Variants in FAM47E observed in about 807,000 individuals in gnomAD.
The protein encoded by FAM47E is family with sequence similarity 47 member E, also known as protein FAM47E.
In FAM47E, 32 loss-of-function variants were observed where a neutral mutation model predicts 41.6. The observed-to-expected ratio is 0.77, with a 90% CI of 0.58 to 1.03. The LOEUF (loss-of-function observed/expected upper bound fraction) is 1.03. Ranked by LOEUF, FAM47E falls within the 50% of genes least tolerant of loss-of-function variation. FAM47E has a pLI of 0.00. For synonymous variants in FAM47E, 184 were observed against 188.7 expected, an observed-to-expected ratio of 0.98 and a Z score of 0.20; for missense variants, 424 against 485.4, an observed-to-expected ratio of 0.87 and a Z score of 1.19.
chr4:76,239,057 T>C (rs1284920054), intron 2 of FAM47E, among the ~76,000 whole-genome samples: 1 of 152,228 alleles, frequency 6.6e-6, no homozygotes, highest in Non-Finnish European at 1.5e-5. Context: ...TGTTATACCA[T>C]ATATCAAAAT....
In FAM47E at chr4:76,251,815, G is replaced by A; in HGVS notation, c.69G>A (p.Arg23=). ...CGGTGCGCGAGGGCGTGAACTGCAG[G>A]TCCAGGTAAACACTCAGCGCCCGGG... ...LAPVREGVNC[R]SRCFTKHKNG... The change falls in exon 1 of 8, where the codon AGG becomes AGA. Residue 23 remains arginine (R), a synonymous_variant. Coordinates refer to ENST00000424749, the MANE Select transcript of FAM47E (RefSeq NM_001136570.3). 1.3e-6 allele frequency: 2 copies of A among 1,481,924 alleles called. No homozygotes were observed. The highest frequency in any genetic ancestry group is 1.8e-6 in the Non-Finnish European group (2 of 1,122,324). 91.8% of individuals were successfully genotyped at this position (1,481,924 alleles called of 1,614,324 possible).
At chr4:76,279,652 C>T (rs11946806) in intron 6 of FAM47E, 53,133 of 151,760 alleles carry the variant, frequency 0.35, 10,027 homozygotes, top group Admixed American at 0.41. Flanking sequence ...GTGGCACCAC[C>T]AGGCTGTGGC....
rs1020648924 is a variant in FAM47E, at chr4:76,263,907, T to G, written c.560+64T>G. 9.3e-6 allele frequency: 14 copies of G among 1,512,106 alleles called. No individual in the cohort carries two copies. The African/African-American group carries it at 2.0e-4, about 21-fold the overall frequency. 93.7% of individuals were successfully genotyped at this position (1,512,106 alleles called of 1,614,324 possible). A position where few individuals can be genotyped will look rare whatever the true frequency, so the allele number is the denominator to read the frequency against. ...CTGATGAAACATTCTAGGAATTACCTTCTTAAAACTTCTCATCTTTAGAAT... is the reference window on the plus strand; with the variant it reads ...CTGATGAAACATTCTAGGAATTACCGTCTTAAAACTTCTCATCTTTAGAAT... On this transcript the variant is annotated intron_variant, in intron 3 of 7. Coordinates refer to ENST00000424749, the MANE Select transcript of FAM47E (RefSeq NM_001136570.3).
Position 76,271,642 on chromosome 4 carries a change from T to C in FAM47E, c.744T>C (p.Asp248=), listed in dbSNP as rs1359829343. 24 of 1,552,142 alleles carry C rather than the reference T, an allele frequency of 1.5e-5. No individual in the cohort carries two copies. Among genetic ancestry groups the C allele is most frequent in the Non-Finnish European group, 1.7e-5 (19 of 1,147,132 alleles). The part of the protein sequence containing the change: ...DIDYETKPSH[D]ALHTMKLNQV... Reference sequence around the variant, plus strand: ...ACTATGAGACCAAACCAAGCCATGATGCGCTCCACACGATGAAGCTAAATC... The same window carrying C: ...ACTATGAGACCAAACCAAGCCATGACGCGCTCCACACGATGAAGCTAAATC... Residue 248 remains aspartate, a synonymous_variant, in exon 5 of 8, where the codon GAT becomes GAC. Coordinates refer to ENST00000424749, the MANE Select transcript of FAM47E (RefSeq NM_001136570.3).
intron 7 of FAM47E, chr4:76,281,678 T>G (rs1735351317): frequency 6.6e-6 from 1 of 152,148 alleles, no homozygotes; most frequent in Non-Finnish European, 1.5e-5. Context: ...TTTTTTTCAT[T>G]TTGATGTGTT....
At chr4:76,218,791 C>T (rs768085964) in intron 2 of FAM47E, among the ~76,000 whole-genome samples, 3 of 151,900 alleles carry the variant, frequency 2.0e-5, no homozygotes, top group Non-Finnish European at 2.9e-5. Context: ...GGTTGGAGGG[C>T]GAGGAGTCAG....
intron 2 of FAM47E, among the ~76,000 whole-genome samples, chr4:76,244,527 ATTC>A: frequency 7.8e-6 from 1 of 128,734 alleles, no homozygotes; most frequent in Admixed American, 7.9e-5. Context: ...GTTTGCAGGC[ATTC>A]TTCTTTTTTT....
At chr4:76,263,009 T>C (rs771139484) in intron 2 of FAM47E, among the ~76,000 whole-genome samples, 10 of 151,992 alleles carry the variant, frequency 6.6e-5, no homozygotes, top group Non-Finnish European at 1.3e-4. Context: ...TCATGCCATC[T>C]TCCTGCGTAA....
At chr4:76,240,260 C>G (rs1733679466) in intron 2 of FAM47E, among the ~76,000 whole-genome samples, 1 of 152,204 alleles carries the variant, frequency 6.6e-6, no homozygotes, top group Non-Finnish European at 1.5e-5. Flanking sequence ...GATGAGAAAT[C>G]TGCAGATAAT....
intron 2 of FAM47E, 42 bp downstream of exon 2, chr4:76,256,565 C>A: frequency 6.7e-7 from 1 of 1,487,596 alleles, no homozygotes; most frequent in Non-Finnish European, 9.0e-7. Context: ...TCACTGGGGC[C>A]TTGCAAATAA....
At chr4:76,215,958 A>G (rs139590351) in intron 1 of FAM47E, among the ~76,000 whole-genome samples, 72 of 152,310 alleles carry the variant, frequency 4.7e-4, no homozygotes, top group African/African-American at 1.6e-3. Context: ...TAACTGGAGC[A>G]GATGGTAAGG....
chr4:76,237,171 A>G (rs531519726), intron 2 of FAM47E, among the ~76,000 whole-genome samples: 1 of 152,114 alleles, frequency 6.6e-6, no homozygotes, highest in East Asian at 1.9e-4. Flanking sequence ...CTGGGCTTAC[A>G]GGTGTGAGCC....
chr4:76,282,511 G>C (rs1735398294), intron 7 of FAM47E: 2 of 152,242 alleles, frequency 1.3e-5, no homozygotes, highest in Non-Finnish European at 2.9e-5. Flanking sequence ...GCTGTCTGCA[G>C]GGGGAAGCAC....
intron 3 of FAM47E, among the ~76,000 whole-genome samples, chr4:76,264,157 C>T (rs1014474264): frequency 6.6e-6 from 1 of 152,108 alleles, no homozygotes; most frequent in Non-Finnish European, 1.5e-5. Flanking sequence ...CTAAGGCTTT[C>T]CAATTTCCTT....
chr4:76,222,035 A>G (rs1047017627), intron 2 of FAM47E, among the ~76,000 whole-genome samples: 2 of 152,264 alleles, frequency 1.3e-5, no homozygotes, highest in African/African-American at 4.8e-5. Flanking sequence ...ATATCTCTAT[A>G]TGAAACAACA....
intron 2 of FAM47E, among the ~76,000 whole-genome samples, chr4:76,241,082 T>C (rs1307077222): frequency 6.6e-6 from 1 of 152,198 alleles, no homozygotes; most frequent in Admixed American, 6.5e-5. Context: ...TTACTAGCTT[T>C]TTGTTTTTTA....
At chr4:76,283,215 G>C (rs1735430993) in intron 7 of FAM47E, 166 bp from the exon 8 acceptor site, 1 of 492,994 alleles carries the variant, frequency 2.0e-6, no homozygotes. Flanking sequence ...ACCTTCCAAA[G>C]ACCAACATCT....
At chr4:76,268,617 C>G (rs563133982) in intron 3 of FAM47E, 43 bp from the exon 4 acceptor site, 1 of 1,530,788 alleles carries the variant, frequency 6.5e-7, no homozygotes, top group Non-Finnish European at 8.8e-7. Context: ...CATTTGGATT[C>G]ATTGTGTCTC....
At chr4:76,237,472 T>C (rs928383796) in intron 2 of FAM47E, among the ~76,000 whole-genome samples, 1 of 152,030 alleles carries the variant, frequency 6.6e-6, no homozygotes, top group Admixed American at 6.6e-5. Context: ...GTCCTTTTGA[T>C]GTCTGTCTGT....
Sources: gnomAD v4.1 joint callset for allele counts (sites outside exome capture counted in the v4.1 genomes callset) on GRCh38, gnomAD v4.1.1 for gene constraint, MANE v1.5 for transcripts, NCBI Gene and HGNC (gene_info 2026-07-23, HGNC 2026-07-21) for gene names.